The following DNAH14 variants were observed in gnomAD, a reference collection of about 807,000 sequenced individuals.
DNAH14 encodes the protein dynein axonemal heavy chain 14.
Under a neutral mutation model 520.9 loss-of-function variants are expected in DNAH14, and 478 were observed. The observed-to-expected ratio is 0.92, with a 90% CI of 0.85 to 0.99. The LOEUF (loss-of-function observed/expected upper bound fraction) is 0.99. Among genes scored for constraint, DNAH14 ranks in the 50% least tolerant of loss-of-function variants. The pLI is 0.00. For synonymous variants in DNAH14, 1,581 were observed against 1,757.2 expected (o/e 0.90, Z 2.51); for missense variants, 4,831 against 5,234.5 (o/e 0.92, Z 2.38).
intron 17 of DNAH14, among the ~76,000 whole-genome samples, chr1:225,054,149 A>G (rs1431754310): frequency 2.6e-5 from 4 of 152,132 alleles, no homozygotes; most frequent in South Asian, 2.1e-4. Flanking sequence ...GTCTCCTACT[A>G]TACCCCTGGA....
At chr1:225,290,643 GTGTGTATATATATATATATATATATA>G (rs2093854280) in intron 55 of DNAH14, among the ~76,000 whole-genome samples, 1 of 51,144 alleles carries the variant, frequency 2.0e-5, no homozygotes, top group African/African-American at 1.0e-4. Context: ...GTGTGTGTGT[GTGTGTATATATATATATATATATATA>G]TATATATATA....
At chr1:225,072,318 G>T (rs1282317787) in intron 17 of DNAH14, among the ~76,000 whole-genome samples, 2 of 151,878 alleles carry the variant, frequency 1.3e-5, no homozygotes, top group Non-Finnish European at 2.9e-5. Context: ...TTCTCTGCTT[G>T]GTTTATTCTG....
chr1:225,129,532 A>G (rs1254417779), intron 27 of DNAH14, among the ~76,000 whole-genome samples: 4 of 152,204 alleles, frequency 2.6e-5, no homozygotes, highest in Admixed American at 2.0e-4. Flanking sequence ...CAACCATCTG[A>G]TCTTTGAGAA....
chr1:225,320,751 G>A (rs1435297356), intron 61 of DNAH14, among the ~76,000 whole-genome samples: 4 of 152,188 alleles, frequency 2.6e-5, no homozygotes, highest in African/African-American at 9.7e-5. Context: ...TGGAGAAAAT[G>A]AGGAAAGATC....
chr1:224,937,113 G>A lies in DNAH14; in HGVS notation c.-34+7278G>A, dbSNP rs186355206. Among the ~76,000 whole-genome samples, 151 of 150,966 alleles carry A rather than the reference G, an allele frequency of 1.0e-3. 1 individual carries two copies. Among genetic ancestry groups the A allele is most frequent in the African/African-American group, 3.5e-3 (146 of 41,388 alleles). ...ATGACAGACCTACAGCCGACATCAGGGAAAAATTGAAGGCTTTTCCACTAA... is the reference window on the plus strand; with the variant it reads ...ATGACAGACCTACAGCCGACATCAGAGAAAAATTGAAGGCTTTTCCACTAA... On this transcript the variant is annotated intron_variant, in intron 1 of 85. Transcript: ENST00000682510.
chr1:225,356,449 T>G (rs1411451232), intron 73 of DNAH14, among the ~76,000 whole-genome samples: 2 of 152,234 alleles, frequency 1.3e-5, no homozygotes, highest in Non-Finnish European at 2.9e-5. Flanking sequence ...GAGGATTTTC[T>G]TCTTCTATCC....
intron 54 of DNAH14, among the ~76,000 whole-genome samples, chr1:225,288,391 T>C (rs936937244): frequency 1.3e-5 from 2 of 152,100 alleles, no homozygotes; most frequent in African/African-American, 4.8e-5. Context: ...GGCTGCTAAA[T>C]GTAATATAGT....
intron 56 of DNAH14, among the ~76,000 whole-genome samples, chr1:225,301,979 G>T (rs1246779732): frequency 1.3e-5 from 2 of 151,386 alleles, no homozygotes; most frequent in Non-Finnish European, 2.9e-5. Flanking sequence ...TTATTCATTA[G>T]ATTTGAATAA....
rs1213604590 is a variant in DNAH14, at chr1:225,192,848, A to G, written c.5823A>G (p.Thr1941=). ...ATIRSYVYFN[T]PKNTKKDIDL... is the part of the protein sequence containing the mutation. The stretch of plus-strand genomic sequence containing the variant: ...TTCGAAGTTATGTATATTTTAACAC[A>G]CCAAAGAACACAAAGAAAGACATTG... Residue 1941 remains threonine, a synonymous_variant, in exon 38 of 86, where the codon ACA becomes ACG. Transcript: ENST00000682510. The G allele has an allele frequency of 6.5e-7, 1 of 1,549,656 alleles. No individual in the cohort carries two copies. Among genetic ancestry groups the G allele is most frequent in the Non-Finnish European group, 8.7e-7 (1 of 1,145,788 alleles).
intron 36 of DNAH14, among the ~76,000 whole-genome samples, chr1:225,178,950 T>C (rs933292863): frequency 6.6e-6 from 1 of 152,172 alleles, no homozygotes; most frequent in African/African-American, 2.4e-5. Context: ...TCAAGGGGAA[T>C]TTTTCCTGCA....
chr1:225,317,688 G>A (rs1233096201), intron 60 of DNAH14, among the ~76,000 whole-genome samples: 1 of 152,078 alleles, frequency 6.6e-6, no homozygotes, highest in Non-Finnish European at 1.5e-5. Context: ...TCAGAATGAA[G>A]TTTCATTTTG....
At chr1:225,357,986 C>A (rs2095450157) in intron 73 of DNAH14, 2 of 566,530 alleles carry the variant, frequency 3.5e-6, no homozygotes, top group Admixed American at 3.2e-5. Flanking sequence ...TTTCCAAAAT[C>A]TTTTAGTCCA....
intron 10 of DNAH14, among the ~76,000 whole-genome samples, chr1:225,018,839 G>C (rs2065426053): frequency 6.6e-6 from 1 of 152,170 alleles, no homozygotes; most frequent in South Asian, 2.1e-4. Context: ...ATCCTTGTCA[G>C]AGAAGCAAAT....
chr1:225,088,854 C>A (rs2074065403), intron 21 of DNAH14, among the ~76,000 whole-genome samples: 2 of 152,046 alleles, frequency 1.3e-5, no homozygotes, highest in Non-Finnish European at 2.9e-5. Context: ...TGGACAAATT[C>A]CTTAAAATAC....
chr1:225,050,440 A>G, intron 16 of DNAH14, 64 bp downstream of exon 16: 9 of 1,442,340 alleles, frequency 6.2e-6, no homozygotes, highest in Non-Finnish European at 8.3e-6. Context: ...GAATTCTTAA[A>G]TGAAATGAAT....
intron 49 of DNAH14, among the ~76,000 whole-genome samples, chr1:225,269,827 G>T (rs1286981961): frequency 6.6e-6 from 1 of 152,152 alleles, no homozygotes; most frequent in African/African-American, 2.4e-5. Flanking sequence ...GAAACAACAG[G>T]TGCTGGAGAG....
chr1:224,994,541 A>G (rs1332238657), intron 8 of DNAH14, among the ~76,000 whole-genome samples: 2 of 151,854 alleles, frequency 1.3e-5, no homozygotes. Context: ...CCATCCCTTC[A>G]CTTTCAATCT....
chr1:225,224,452 T>C (rs1004641778), intron 41 of DNAH14, among the ~76,000 whole-genome samples: 21 of 152,090 alleles, frequency 1.4e-4, no homozygotes, highest in Non-Finnish European at 5.9e-5. Flanking sequence ...TCCAGCTAGT[T>C]AGTAAAGTCA....
chr1:225,240,912 T>A, intron 43 of DNAH14, 90 bp downstream of exon 43: 2 of 979,292 alleles, frequency 2.0e-6, no homozygotes, highest in African/African-American at 1.6e-5. Flanking sequence ...GTTCATCTTT[T>A]AAAATGTTAA....
Sources: allele counts gnomAD v4.1 joint callset (sites outside exome capture counted in the v4.1 genomes callset), GRCh38; gene constraint gnomAD v4.1.1; transcripts MANE v1.5; gene names NCBI Gene and HGNC (gene_info 2026-07-23, HGNC 2026-07-21).